Variants in STPG2 observed in about 807,000 individuals in gnomAD.
STPG2 encodes sperm tail PG-rich repeat containing 2.
Under a neutral mutation model 54.2 loss-of-function variants are expected in STPG2, and 56 were observed. The ratio of observed to expected loss-of-function variants is 1.03; its 90% CI spans 0.83 to 1.29. The LOEUF (loss-of-function observed/expected upper bound fraction) is 1.29, where lower values mean the gene tolerates loss of function less well. STPG2 is among the 50% of genes most tolerant of loss of function. The pLI is 0.00. For missense variants in STPG2, 596 were observed against 544.9 expected (o/e 1.09, Z -0.93); for synonymous variants, 200 against 181.8 (o/e 1.10, Z -0.81).
intron 9 of STPG2, among the ~76,000 whole-genome samples, chr4:97,776,333 G>T (rs1321213615): frequency 6.6e-6 from 1 of 152,086 alleles, no homozygotes; most frequent in Non-Finnish European, 1.5e-5. Context: ...TTTGCCCATG[G>T]TCACACAACC....
intron 4 of STPG2, among the ~76,000 whole-genome samples, chr4:97,541,140 A>ATC (rs1731692707): frequency 6.6e-6 from 1 of 152,156 alleles, no homozygotes; most frequent in African/African-American, 2.4e-5. Flanking sequence ...CAGGAGAAGG[A>ATC]AATAAAGGGT....
chr4:98,014,820 G>A (rs1735879833), intron 5 of STPG2, among the ~76,000 whole-genome samples: 1 of 151,912 alleles, frequency 6.6e-6, no homozygotes, highest in South Asian at 2.1e-4. Flanking sequence ...CATAATTTTT[G>A]CTCACCTGGG....
chr4:97,602,313 C>A (rs1733483385), intron 10 of STPG2, among the ~76,000 whole-genome samples: 1 of 151,704 alleles, frequency 6.6e-6, no homozygotes, highest in Non-Finnish European at 1.5e-5. Context: ...CATCTGATGA[C>A]CTTGTCAGTC....
intron 9 of STPG2, among the ~76,000 whole-genome samples, chr4:97,721,586 C>T (rs4377597): frequency 0.45 from 68,204 of 151,762 alleles, 16,830 homozygotes; most frequent in South Asian, 0.62. Flanking sequence ...AGGAAGTATA[C>T]TCTATAATAA....
downstream of STPG2, among the ~76,000 whole-genome samples, chr4:97,557,243 T>C (rs1194534202): frequency 6.6e-6 from 1 of 152,042 alleles, no homozygotes; most frequent in Non-Finnish European, 1.5e-5. Context: ...CGAAATTGAA[T>C]AAACTGGATA....
intron 9 of STPG2, among the ~76,000 whole-genome samples, chr4:97,771,003 C>T (rs1578549745): frequency 6.6e-6 from 1 of 152,118 alleles, no homozygotes; most frequent in Admixed American, 6.5e-5. Flanking sequence ...GAAGTGCATG[C>T]TGTATATATA....
In STPG2 at chr4:97,455,725, A is replaced by G. The variant is rs186821664; in HGVS notation, c.462+256974T>C. ...ATACAGAAAGCCCTCTGTCCTTGCA[A>G]TGAGGCAGAGGGTCTAATTGAGCTT... On this transcript the variant is annotated intron_variant, in intron 4 of 4. Transcript: ENST00000522676. Among the ~76,000 whole-genome samples the G allele has an allele frequency of 4.2e-3, 640 of 152,312 alleles. 3 individuals are homozygous for G. The highest frequency in any genetic ancestry group is 0.02 in the South Asian group (98 of 4,830).
chr4:98,009,071 T>A (rs1296727321), intron 5 of STPG2, among the ~76,000 whole-genome samples: 6 of 151,980 alleles, frequency 3.9e-5, no homozygotes, highest in Non-Finnish European at 7.4e-5. Flanking sequence ...TATCTTTTTT[T>A]AAAAACCCAA....
intron 9 of STPG2, among the ~76,000 whole-genome samples, chr4:97,781,477 T>C (rs1203999408): frequency 6.6e-6 from 1 of 152,124 alleles, no homozygotes; most frequent in Non-Finnish European, 1.5e-5. Context: ...ACCAGATGGA[T>C]TCACAGCCGA....
chr4:97,541,071 G>A (rs1731689501), intron 4 of STPG2, among the ~76,000 whole-genome samples: 1 of 152,160 alleles, frequency 6.6e-6, no homozygotes, highest in South Asian at 2.1e-4. Flanking sequence ...AGACAGGGAT[G>A]ACTTCTCTCA....
chr4:97,602,012 T>C (rs556143922), intron 10 of STPG2, among the ~76,000 whole-genome samples: 2 of 147,704 alleles, frequency 1.4e-5, no homozygotes, highest in South Asian at 4.2e-4. Flanking sequence ...GCTATTTACA[T>C]AGTAGGTTTT....
intron 8 of STPG2, among the ~76,000 whole-genome samples, chr4:97,878,379 G>T (rs1362268319): frequency 1.3e-5 from 2 of 152,158 alleles, no homozygotes; most frequent in South Asian, 2.1e-4. Context: ...TCTCCATGAG[G>T]GCCCCACCCC....
intron 10 of STPG2, among the ~76,000 whole-genome samples, chr4:97,672,694 G>T (rs1395292897): frequency 6.6e-6 from 1 of 152,064 alleles, no homozygotes; most frequent in African/African-American, 2.4e-5. Context: ...GGACTTTTAG[G>T]GGTGCATCTC....
At chr4:97,574,047 C>T (rs1016445045) in intron 10 of STPG2, among the ~76,000 whole-genome samples, 5 of 152,022 alleles carry the variant, frequency 3.3e-5, no homozygotes, top group African/African-American at 1.2e-4. Flanking sequence ...TCTTCATTTG[C>T]CATGAAGGTA....
intron 9 of STPG2, among the ~76,000 whole-genome samples, chr4:97,726,448 G>T (rs926800586): frequency 6.6e-6 from 1 of 151,846 alleles, no homozygotes; most frequent in African/African-American, 2.4e-5. Flanking sequence ...TCTCTTACGT[G>T]TATTTTGCTA....
intron 4 of STPG2, among the ~76,000 whole-genome samples, chr4:97,472,590 A>T (rs1425947814): frequency 1.3e-5 from 2 of 152,234 alleles, no homozygotes; most frequent in Non-Finnish European, 2.9e-5. Flanking sequence ...CTTTCAGTAG[A>T]TAAACTAATT....
At chr4:98,045,498 C>T (rs1737096496) in intron 5 of STPG2, among the ~76,000 whole-genome samples, 1 of 152,074 alleles carries the variant, frequency 6.6e-6, no homozygotes, top group African/African-American at 2.4e-5. Context: ...CTTGAAAAAA[C>T]AATTCCCTTT....
At chr4:97,586,530 C>T (rs1267292277) in intron 10 of STPG2, among the ~76,000 whole-genome samples, 1 of 151,880 alleles carries the variant, frequency 6.6e-6, no homozygotes, top group Non-Finnish European at 1.5e-5. Context: ...AAATCTTAAT[C>T]AAACTTTTGA....
At chr4:98,052,704 T>C (rs531452999) in intron 5 of STPG2, among the ~76,000 whole-genome samples, 6 of 152,202 alleles carry the variant, frequency 3.9e-5, no homozygotes, top group African/African-American at 1.2e-4. Flanking sequence ...GTTTGGTGAC[T>C]AGAAAGCATT....
Sources: gnomAD v4.1 joint callset for allele counts (sites outside exome capture counted in the v4.1 genomes callset) on GRCh38, gnomAD v4.1.1 for gene constraint, MANE v1.5 for transcripts, NCBI Gene and HGNC (gene_info 2026-07-23, HGNC 2026-07-21) for gene names.